BLTP2: variants seen among roughly 807,000 people sequenced by gnomAD.
BLTP2 encodes bridge-like lipid transfer protein family member 2.
At chr17:28,635,708 C>G in the BLTP2 span, 2 of 1,263,552 alleles carry the variant, frequency 1.6e-6, no homozygotes, top group South Asian at 3.1e-5. Flanking sequence ...CAAGAACCAT[C>G]TCCACCCAGA....
chr17:28,637,926 G>A, the BLTP2 span: 1 of 1,614,162 alleles, frequency 6.2e-7, no homozygotes, highest in Non-Finnish European at 8.5e-7. Context: ...AATGAAGAGT[G>A]CCTAGAGACA....
At chr17:28,616,254 C>A in the BLTP2 span, 3 of 1,596,052 alleles carry the variant, frequency 1.9e-6, no homozygotes, top group Non-Finnish European at 1.7e-6. The surrounding 1 kb of genome is among the most constrained non-coding windows in gnomAD (Gnocchi z 4.8). Flanking sequence ...AACTCAGGAC[C>A]CCAAACATCT....
At chr17:28,614,441 G>T in the BLTP2 span, 4 of 473,858 alleles carry the variant, frequency 8.4e-6, no homozygotes, top group Non-Finnish European at 1.1e-5. Flanking sequence ...ACACAAAAAT[G>T]AGCATCAAAT....
chr17:28,620,843 A>C, the BLTP2 span: 1 of 948,502 alleles, frequency 1.1e-6, no homozygotes. Flanking sequence ...TCATAGCAGA[A>C]CTTACAAAAA....
At chr17:28,642,931 A>G in the BLTP2 span, 9 of 1,611,912 alleles carry the variant, frequency 5.6e-6, no homozygotes, top group Admixed American at 1.3e-4. Flanking sequence ...ATAAGGACTC[A>G]GAGGTATCCA....
At chr17:28,628,175 C>T in the BLTP2 span, 1 of 1,101,392 alleles carries the variant, frequency 9.1e-7, no homozygotes, top group Non-Finnish European at 1.3e-6. Flanking sequence ...TAGATAGAAG[C>T]ACCATGACTC....
At chr17:28,638,515 G>C in the BLTP2 span, 4 of 1,603,680 alleles carry the variant, frequency 2.5e-6, no homozygotes, top group African/African-American at 2.7e-5. Context: ...TTCCATCTGA[G>C]AGCCTTACCC....
At chr17:28,626,563 C>G in the BLTP2 span, among the ~76,000 whole-genome samples, 1 of 152,284 alleles carries the variant, frequency 6.6e-6, no homozygotes, top group African/African-American at 2.4e-5. Flanking sequence ...TTTCAGCCCC[C>G]CACCCAACCC....
chr17:28,634,562 T>A, the BLTP2 span: 1 of 1,614,074 alleles, frequency 6.2e-7, no homozygotes, highest in East Asian at 2.2e-5. Context: ...CACCACTGAA[T>A]GACAAGATCT....
the BLTP2 span, chr17:28,635,519 C>T: frequency 3.1e-6 from 5 of 1,614,150 alleles, no homozygotes; most frequent in Non-Finnish European, 4.2e-6. Context: ...CTTAGTAGGT[C>T]TCGGCACTGT....
At chr17:28,617,140 G>T in the BLTP2 span, 2 of 1,250,734 alleles carry the variant, frequency 1.6e-6, no homozygotes, top group Non-Finnish European at 2.3e-6. Flanking sequence ...TCACCACATT[G>T]TTTTCCATAG....
At chr17:28,628,641 A>G in the BLTP2 span, 2 of 1,222,824 alleles carry the variant, frequency 1.6e-6, no homozygotes, top group African/African-American at 3.0e-5. Flanking sequence ...TTTGTTGAAT[A>G]AGAAACCTGT....
chr17:28,631,759 G>C, the BLTP2 span: 1 of 1,600,762 alleles, frequency 6.2e-7, no homozygotes, highest in Non-Finnish European at 8.6e-7. Flanking sequence ...GAGGGGAATG[G>C]AACTGAGAAG....
At chr17:28,633,253 C>T in the BLTP2 span, 1 of 1,601,024 alleles carries the variant, frequency 6.2e-7, no homozygotes, top group Non-Finnish European at 8.6e-7. Context: ...CCCCTCATCC[C>T]ATGGAGGACC....
At chr17:28,639,373 G>C in the BLTP2 span, 1 of 1,614,058 alleles carries the variant, frequency 6.2e-7, no homozygotes, top group South Asian at 1.1e-5. Flanking sequence ...AGTGCTAGCA[G>C]GTGCAGCCAG....
At chr17:28,634,072 A>G in the BLTP2 span, 1 of 1,614,038 alleles carries the variant, frequency 6.2e-7, no homozygotes, top group Non-Finnish European at 8.5e-7. Flanking sequence ...TACCGTGGAT[A>G]GTCCCTGATC....
At chr17:28,628,652 T>TG in the BLTP2 span, 1 of 1,050,950 alleles carries the variant, frequency 9.5e-7, no homozygotes, top group African/African-American at 1.6e-5. Context: ...AGAAACCTGT[T>TG]GGCCAGATGC....
At chr17:28,634,808 G>C in the BLTP2 span, 1 of 1,613,822 alleles carries the variant, frequency 6.2e-7, no homozygotes, top group Non-Finnish European at 8.5e-7. Context: ...TTGCGGGCAG[G>C]CAACAACTCC....
chr17:28,632,800 A>T, the BLTP2 span: 1 of 558,410 alleles, frequency 1.8e-6, no homozygotes, highest in East Asian at 3.0e-5. Context: ...CTGCCAAAAA[A>T]CAAAAAAAAA....
Sources: gnomAD v4.1 joint callset for allele counts (sites outside exome capture counted in the v4.1 genomes callset) on GRCh38, gnomAD v4.1.1 for gene constraint, Gnocchi (gnomAD v3.1) non-coding constraint, MANE v1.5 for transcripts, NCBI Gene and HGNC (gene_info 2026-07-23, HGNC 2026-07-21) for gene names.